BRD1: variants seen among roughly 807,000 people sequenced by gnomAD.
BRD1 encodes bromodomain-containing protein 1.
In BRD1, 24 loss-of-function variants were observed where a neutral mutation model predicts 107.7. That is an observed-to-expected ratio of 0.22 (90% CI 0.16 to 0.31). The LOEUF (loss-of-function observed/expected upper bound fraction) is 0.31, where lower values mean the gene tolerates loss of function less well. Ranked by LOEUF, BRD1 falls within the 10% of genes least tolerant of loss-of-function variation. BRD1 has a pLI of 1.00. For missense variants in BRD1, 1,279 were observed against 1,638.6 expected, an observed-to-expected ratio of 0.78 and a Z score of 3.79; for synonymous variants, 744 against 686.1, an observed-to-expected ratio of 1.08 and a Z score of -1.32.
intron 2 of BRD1, among the ~76,000 whole-genome samples, chr22:49,817,042 G>T (rs575121662): frequency 2.8e-4 from 43 of 152,314 alleles, no homozygotes; most frequent in Admixed American, 5.9e-4. Context: ...GACTCATTTT[G>T]GGGGTTCCCA....
Position 49,804,373 on chromosome 22 carries a change from C to T in BRD1, c.1368-13G>A, listed in dbSNP as rs967363958. ...AATCCTATTTAACCTAAAACACAAA[C>T]ACTCAGTGTATCTTTGAAGCAGTAC... On this transcript the variant is annotated splice_polypyrimidine_tract_variant and intron_variant, in intron 2 of 12. Coordinates refer to ENST00000404760, the MANE Select transcript of BRD1 (RefSeq NM_001304808.3). 6.3e-7 allele frequency: 1 copy of T among 1,594,706 alleles called. No homozygotes were observed. Among genetic ancestry groups the T allele is most frequent in the Admixed American group, 1.7e-5 (1 of 58,770 alleles).
chr22:49,786,236 G>T (rs927069688), intron 8 of BRD1, among the ~76,000 whole-genome samples: 1 of 152,180 alleles, frequency 6.6e-6, no homozygotes, highest in Non-Finnish European at 1.5e-5. Context: ...CTCCAGACAC[G>T]CTTCCAGAAA....
chr22:49,811,964 T>C (rs2059858220), intron 2 of BRD1, among the ~76,000 whole-genome samples: 1 of 152,210 alleles, frequency 6.6e-6, no homozygotes, highest in South Asian at 2.1e-4. Context: ...CTAAGATCTA[T>C]AGTATTAACA....
intron 1 of BRD1, 101 bp downstream of exon 1, chr22:49,827,396 C>A: frequency 6.6e-6 from 1 of 150,936 alleles, no homozygotes; most frequent in South Asian, 2.0e-4. Flanking sequence ...AACATGGCGT[C>A]GGCACCACAA....
At chr22:49,804,056 C>T (rs548222067) in intron 3 of BRD1, 148 bp downstream of exon 3, 4 of 612,402 alleles carry the variant, frequency 6.5e-6, no homozygotes, top group African/African-American at 1.9e-5. Flanking sequence ...ACTCCTCCTA[C>T]AGCTCCAGGG....
rs1483345860 is a variant in BRD1, at chr22:49,798,089, T to C, written c.1814A>G (p.His605Arg). 22 of 1,610,294 alleles carry C rather than the reference T, an allele frequency of 1.4e-5. No individual in the cohort carries two copies. The highest frequency in any genetic ancestry group is 2.2e-5 in the South Asian group (2 of 90,956). Residue 605 changes from histidine (H) to arginine (R), a missense_variant, in exon 6 of 13, where the codon CAT becomes CGT. His to Arg is a conservative substitution (Grantham distance 29, BLOSUM62 0). Around this residue, in one of 7 missense-constraint regions of BRD1, gnomAD observed 406 missense variants for 519.4 expected, o/e 0.78. Coordinates refer to ENST00000404760, the MANE Select transcript of BRD1 (RefSeq NM_001304808.3). ...CCTCATTGTGGCAAAGTCCATGGGA[T>C]GTTTAATGTGATCCAAATAATCTGG... ...EVPDYLDHIK[H>R]PMDFATMRKR...
chr22:49,818,197 AG>A, intron 2 of BRD1: 1 of 1,115,700 alleles, frequency 9.0e-7, no homozygotes. Flanking sequence ...TGAAGGTAGG[AG>A]GAGCACCCAT....
chr22:49,795,236 G>C (rs1404572895), intron 6 of BRD1, among the ~76,000 whole-genome samples: 1 of 152,080 alleles, frequency 6.6e-6, no homozygotes, highest in Non-Finnish European at 1.5e-5. Flanking sequence ...AGAAAGCCTC[G>C]AAACGTCTGT....
intron 7 of BRD1, 56 bp downstream of exon 7, chr22:49,793,978 T>TGCCTGAGCCTGA (rs1212353521): frequency 1.3e-6 from 2 of 1,566,552 alleles, no homozygotes; most frequent in East Asian, 4.5e-5. Context: ...CCTGTGCCTG[T>TGCCTGAGCCTGA]GCCTGAGCCT....
intron 2 of BRD1, chr22:49,807,221 C>A (rs997382919): frequency 6.6e-6 from 1 of 152,056 alleles, no homozygotes; most frequent in African/African-American, 2.4e-5. Flanking sequence ...ATCTACAGAT[C>A]CAATGCAATT....
chr22:49,809,446 C>A (rs1436993917), intron 2 of BRD1, among the ~76,000 whole-genome samples: 1 of 151,706 alleles, frequency 6.6e-6, no homozygotes. Flanking sequence ...AGGCTTGAGG[C>A]AGGAGAATCG....
Position 49,773,488 on chromosome 22 carries a change from T to C in BRD1, c.*745A>G, listed in dbSNP as rs2059026799. Reference sequence around the variant, plus strand: ...ACAAGTTACAGAAAGCCCCTCATTGTAAACAAAAGATTACAAGTTATAAAA... The same window carrying C: ...ACAAGTTACAGAAAGCCCCTCATTGCAAACAAAAGATTACAAGTTATAAAA... On this transcript the variant is annotated 3_prime_UTR_variant, in exon 13 of 13. Coordinates refer to ENST00000404760, the MANE Select transcript of BRD1 (RefSeq NM_001304808.3). 2 of 152,578 alleles carry C rather than the reference T, an allele frequency of 1.3e-5. No homozygotes were observed. Among genetic ancestry groups the C allele is most frequent in the Non-Finnish European group, 2.9e-5 (2 of 68,036 alleles). The allele number at this position is 152,578 out of a possible 1,614,324, so 9.5% of individuals were successfully genotyped here.
At chr22:49,794,393 T>C in intron 6 of BRD1, 99 bp from the exon 7 acceptor site, 1 of 1,474,964 alleles carries the variant, frequency 6.8e-7, no homozygotes, top group Non-Finnish European at 9.1e-7. Flanking sequence ...GCCAAGGCCC[T>C]GAGAGTGGCT....
intron 2 of BRD1, among the ~76,000 whole-genome samples, chr22:49,808,466 A>G (rs2059786243): frequency 2.6e-5 from 4 of 152,246 alleles, no homozygotes; most frequent in African/African-American, 9.6e-5. Context: ...GGGACTGAAG[A>G]GGAGTCAAAT....
chr22:49,825,512 T>C (rs868194692), intron 1 of BRD1, among the ~76,000 whole-genome samples: 3 of 152,234 alleles, frequency 2.0e-5, no homozygotes, highest in South Asian at 4.1e-4. Flanking sequence ...GTGCCTGGTG[T>C]GTGGACACCT....
rs770608643 is a variant in BRD1, at chr22:49,822,945, G to A, written c.1367+6C>T. On this transcript the variant is annotated splice_donor_region_variant and intron_variant, in intron 2 of 12. Transcript: ENST00000404760. Reference sequence around the variant, plus strand: ...CCTTGTGGACTCAATGCTTGGACACGCTTACCTCTGCGGGGGAATATAAGG... The same window carrying A: ...CCTTGTGGACTCAATGCTTGGACACACTTACCTCTGCGGGGGAATATAAGG... 3.8e-5 allele frequency: 61 copies of A among 1,612,984 alleles called. No individual in the cohort carries two copies. Among genetic ancestry groups the A allele is most frequent in the Non-Finnish European group, 4.9e-5 (58 of 1,179,408 alleles).
chr22:49,797,107 G>A (rs573871865), intron 6 of BRD1, among the ~76,000 whole-genome samples: 1 of 152,336 alleles, frequency 6.6e-6, no homozygotes, highest in Admixed American at 6.5e-5. Flanking sequence ...CAATCCCAGA[G>A]GTGCGACTAA....
intron 3 of BRD1, among the ~76,000 whole-genome samples, chr22:49,801,801 C>T (rs2059646529): frequency 6.6e-6 from 1 of 152,224 alleles, no homozygotes; most frequent in Non-Finnish European, 1.5e-5. Context: ...GTCACCTCTT[C>T]TTTGCAACCC....
chr22:49,820,731 T>G (rs1187891684), intron 2 of BRD1: 1 of 152,444 alleles, frequency 6.6e-6, no homozygotes, highest in Non-Finnish European at 1.5e-5. Context: ...CCAGATCAGC[T>G]GCCTCTCAGA....
Sources: gnomAD v4.1 joint callset for allele counts (sites outside exome capture counted in the v4.1 genomes callset) on GRCh38, gnomAD v4.1.1 for gene constraint, gnomAD v4.1.1 regional missense constraint, MANE v1.5 for transcripts, NCBI Gene and HGNC (gene_info 2026-07-23, HGNC 2026-07-21) for gene names.